The following COL22A1 variants were observed in gnomAD, a reference collection of about 807,000 sequenced individuals.
COL22A1 encodes collagen alpha-1(XXII) chain.
In COL22A1, 221 loss-of-function variants were observed where a neutral mutation model predicts 248.9. The observed-to-expected ratio is 0.89, with a 90% CI of 0.80 to 0.99. The LOEUF (loss-of-function observed/expected upper bound fraction) is 0.99, where lower values mean the gene tolerates loss of function less well. Among genes scored for constraint, COL22A1 ranks in the 50% least tolerant of loss-of-function variants. The pLI, the probability that COL22A1 is intolerant of heterozygous loss-of-function variation, is 0.00. For missense variants in COL22A1, 2,240 were observed against 2,179.0 expected, an observed-to-expected ratio of 1.03 and a Z score of -0.56; for synonymous variants, 891 against 793.4, an observed-to-expected ratio of 1.12 and a Z score of -2.07.
intron 1 of COL22A1, among the ~76,000 whole-genome samples, chr8:138,900,389 C>T (rs1279107672): frequency 6.6e-6 from 1 of 152,224 alleles, no homozygotes; most frequent in East Asian, 1.9e-4. Flanking sequence ...GGCTTCAGCC[C>T]TACACTGCCA....
chr8:138,654,248 C>A (rs1377866788), intron 45 of COL22A1, among the ~76,000 whole-genome samples: 1 of 151,962 alleles, frequency 6.6e-6, no homozygotes, highest in African/African-American at 2.4e-5. Context: ...AGAATCCAGG[C>A]TAATAAAAGC....
intron 4 of COL22A1, among the ~76,000 whole-genome samples, chr8:138,837,507 C>T (rs891193098): frequency 2.0e-5 from 3 of 152,244 alleles, no homozygotes; most frequent in Non-Finnish European, 4.4e-5. Flanking sequence ...CTCAGCATCG[C>T]CTGGGGACAG....
intron 38 of COL22A1, 106 bp from the exon 39 acceptor site, chr8:138,684,575 G>T (rs1413301557): frequency 4.9e-6 from 4 of 813,806 alleles, no homozygotes; most frequent in Non-Finnish European, 8.7e-6. Context: ...CCCAGAGATG[G>T]GTGAGACTCA....
chr8:138,681,679 A>C (rs2130834885), intron 39 of COL22A1, among the ~76,000 whole-genome samples: 1 of 152,272 alleles, frequency 6.6e-6, no homozygotes, highest in East Asian at 1.9e-4. Context: ...ACGTATCTTC[A>C]GATTGGTGGT....
intron 3 of COL22A1, among the ~76,000 whole-genome samples, chr8:138,866,831 A>C (rs1372436156): frequency 6.6e-6 from 1 of 152,216 alleles, no homozygotes; most frequent in African/African-American, 2.4e-5. Flanking sequence ...AGGCAGGGGA[A>C]TATCTTTCAT....
chr8:138,672,051 C>CCCAACTGTCACATTATTCAGGGG (rs1825078916), intron 41 of COL22A1, among the ~76,000 whole-genome samples: 1 of 152,062 alleles, frequency 6.6e-6, no homozygotes, highest in Non-Finnish European at 1.5e-5. Flanking sequence ...GGGTCAGCAC[C>CCCAACTGTCACATTATTCAGGGG]CCAACTGTCA....
chr8:138,706,379 A>T (rs1434946155), intron 30 of COL22A1, among the ~76,000 whole-genome samples: 1 of 152,218 alleles, frequency 6.6e-6, no homozygotes, highest in Non-Finnish European at 1.5e-5. Flanking sequence ...TTGGCCACAT[A>T]GTTGGAAGTA....
chr8:138,651,541 A>G (rs1240041751), intron 45 of COL22A1, among the ~76,000 whole-genome samples: 2 of 152,220 alleles, frequency 1.3e-5, no homozygotes, highest in African/African-American at 4.8e-5. Flanking sequence ...AAAGAGTTAA[A>G]TACTGGGATA....
intron 16 of COL22A1, among the ~76,000 whole-genome samples, chr8:138,774,186 A>G (rs55873927): frequency 9.1e-4 from 139 of 152,288 alleles, no homozygotes; most frequent in Non-Finnish European, 1.6e-3. Flanking sequence ...AAAATTTAAT[A>G]TACAAACAAA....
chr8:138,811,367 A>T (rs1818211441), intron 9 of COL22A1, among the ~76,000 whole-genome samples: 1 of 151,970 alleles, frequency 6.6e-6, no homozygotes, highest in East Asian at 1.9e-4. Flanking sequence ...ACATATATAT[A>T]TATACACGTG....
At chr8:138,880,620 C>T (rs1253029395) in intron 2 of COL22A1, among the ~76,000 whole-genome samples, 2 of 152,174 alleles carry the variant, frequency 1.3e-5, no homozygotes, top group African/African-American at 4.8e-5. Context: ...ATCCAAGGGA[C>T]AATCTGCATG....
Position 138,630,353 on chromosome 8 carries a change from C to T in COL22A1, c.3663+342G>A, listed in dbSNP as rs534792765. Among the ~76,000 whole-genome samples the T allele has an allele frequency of 2.6e-5, 4 of 152,316 alleles. No homozygotes were observed. In the South Asian group the frequency reaches 8.3e-4, roughly 32 times the overall value. ...TAGGTGAGTTAGCACTGAGCCTTTC[C>T]ACTTCCCTGCACCTGCTCAATATAG... On this transcript the variant is annotated intron_variant, in intron 50 of 64. Coordinates refer to ENST00000303045, the MANE Select transcript of COL22A1 (RefSeq NM_152888.3).
intron 5 of COL22A1, among the ~76,000 whole-genome samples, chr8:138,832,226 T>C (rs1307895408): frequency 6.6e-6 from 1 of 152,192 alleles, no homozygotes; most frequent in Non-Finnish European, 1.5e-5. Context: ...AAATGGGCAG[T>C]CAGCAGCCCT....
At chr8:138,909,968 A>C (rs1815329713) in intron 1 of COL22A1, among the ~76,000 whole-genome samples, 1 of 152,224 alleles carries the variant, frequency 6.6e-6, no homozygotes, top group Non-Finnish European at 1.5e-5. Context: ...AATGGGGGAA[A>C]TCTTGTCACA....
chr8:138,591,320 C>T, intron 64 of COL22A1, 104 bp downstream of exon 64: 1 of 624,198 alleles, frequency 1.6e-6, no homozygotes, highest in Non-Finnish European at 2.6e-6. Context: ...AGAGCCTAAG[C>T]CCTCCTCTCC....
Position 138,780,988 on chromosome 8 carries a change from CA to C in COL22A1, c.1597-9del. On this transcript the variant is annotated splice_polypyrimidine_tract_variant and intron_variant, in intron 12 of 64. Coordinates refer to ENST00000303045, the MANE Select transcript of COL22A1 (RefSeq NM_152888.3). ...GGGCAGGCCCAGGGAACCCTAAAGC[CA>C]AAAAAAGAGAATAGCAATTAGTAAA... The C allele has an allele frequency of 5.1e-6, 8 of 1,583,788 alleles. No homozygotes were observed. The highest frequency in any genetic ancestry group is 5.1e-6 in the Non-Finnish European group (6 of 1,166,926).
chr8:138,619,328 C>T (rs564573882), intron 53 of COL22A1, 127 bp downstream of exon 53: 11 of 733,462 alleles, frequency 1.5e-5, no homozygotes, highest in African/African-American at 7.0e-5. Flanking sequence ...GAAGCACAGC[C>T]GTCTGGAGGA....
intron 3 of COL22A1, among the ~76,000 whole-genome samples, chr8:138,844,815 T>C (rs990019193): frequency 6.6e-6 from 1 of 151,934 alleles, no homozygotes; most frequent in Non-Finnish European, 1.5e-5. Context: ...CCGGGCGTGG[T>C]GGCAGGCGCC....
intron 3 of COL22A1, among the ~76,000 whole-genome samples, chr8:138,846,251 G>C (rs1821236776): frequency 6.6e-6 from 1 of 152,160 alleles, no homozygotes; most frequent in African/African-American, 2.4e-5. Context: ...GACAGGCTGG[G>C]AATTGCGTGT....
Sources: allele counts gnomAD v4.1 joint callset (sites outside exome capture counted in the v4.1 genomes callset), GRCh38; gene constraint gnomAD v4.1.1; transcripts MANE v1.5; gene names NCBI Gene and HGNC (gene_info 2026-07-23, HGNC 2026-07-21).